Variants in TENM4 observed in about 807,000 individuals in gnomAD.
TENM4 encodes teneurin transmembrane protein 4.
Under a neutral mutation model 243.3 loss-of-function variants are expected in TENM4, and 82 were observed. The observed-to-expected ratio is 0.34, with a 90% CI of 0.28 to 0.40. The LOEUF (loss-of-function observed/expected upper bound fraction) is 0.40. Ranked by LOEUF, TENM4 falls within the 10% of genes least tolerant of loss-of-function variation. The probability of loss-of-function intolerance (pLI) is 1.00; values close to 1 mark genes in which losing one functional copy is unlikely to be tolerated. For synonymous variants in TENM4, 1,412 were observed against 1,456.3 expected (o/e 0.97, Z 0.69); for missense variants, 3,138 against 3,673.3 (o/e 0.85, Z 3.77).
At chr11:79,186,877 C>G (rs1863390022) in intron 3 of TENM4, among the ~76,000 whole-genome samples, 1 of 152,204 alleles carries the variant, frequency 6.6e-6, no homozygotes, top group South Asian at 2.1e-4. Flanking sequence ...TTTACTGCAT[C>G]TGAAACAGCC....
intron 4 of TENM4, among the ~76,000 whole-genome samples, chr11:79,122,182 G>A (rs1861758194): frequency 6.6e-6 from 1 of 152,162 alleles, no homozygotes; most frequent in Non-Finnish European, 1.5e-5. Flanking sequence ...ATTTGACCAG[G>A]TGATTGCTAG....
intron 6 of TENM4, among the ~76,000 whole-genome samples, chr11:78,989,196 C>G (rs1354712592): frequency 6.6e-6 from 1 of 152,222 alleles, no homozygotes; most frequent in Non-Finnish European, 1.5e-5. Flanking sequence ...ATCAACTCTC[C>G]TCCTTACACG....
At chr11:78,909,606 G>A (rs141242603) in intron 6 of TENM4, among the ~76,000 whole-genome samples, 1 of 152,322 alleles carries the variant, frequency 6.6e-6, no homozygotes, top group Non-Finnish European at 1.5e-5. Flanking sequence ...ATTCTTATCG[G>A]CATACGCCAC....
intron 1 of TENM4, among the ~76,000 whole-genome samples, chr11:79,424,124 C>T (rs1228115780): frequency 6.6e-6 from 1 of 152,204 alleles, no homozygotes; most frequent in East Asian, 1.9e-4. Context: ...CAGTGGCTTC[C>T]AACCAGGGAC....
chr11:78,669,656 T>C lies in TENM4; in HGVS notation c.6689A>G (p.Asn2230Ser), dbSNP rs372549247. 6.8e-6 allele frequency: 11 copies of C among 1,613,894 alleles called. No homozygotes were observed. The highest frequency in any genetic ancestry group is 9.3e-6 in the Non-Finnish European group (11 of 1,179,904). Residue 2230 changes from asparagine to serine, a missense_variant, in exon 32 of 34, where the codon AAC becomes AGC. This residue lies in a region of TENM4 where 2,467 missense variants were observed against 3,059.1 expected (regional missense o/e 0.81). Coordinates refer to ENST00000278550, the MANE Select transcript of TENM4 (RefSeq NM_001098816.3). The surrounding 1 kb of genome is among the most constrained non-coding windows in gnomAD (Gnocchi z 6.4). ...CCGTAGTGGTGTGAGCCGTGCACTGTTCCCAGGGCTCAGTAAGTGCAGGTT... is the reference window on the plus strand; with the variant it reads ...CCGTAGTGGTGTGAGCCGTGCACTGCTCCCAGGGCTCAGTAAGTGCAGGTT... ...NGNLHLLSPG[N>S]SARLTPLRYD...
intron 6 of TENM4, among the ~76,000 whole-genome samples, chr11:79,024,436 T>C (rs1033871988): frequency 1.3e-5 from 2 of 152,212 alleles, no homozygotes; most frequent in African/African-American, 2.4e-5. Context: ...GAAGGACTTA[T>C]GATATTCTAA....
chr11:79,398,737 T>TAAAA (rs5792854), intron 1 of TENM4, among the ~76,000 whole-genome samples: 1 of 102,768 alleles, frequency 9.7e-6, no homozygotes, highest in Non-Finnish European at 1.9e-5. Context: ...TCAGATGCTT[T>TAAAA]AAAAAAAAAA....
chr11:79,408,087 A>G (rs1383682721), intron 1 of TENM4, among the ~76,000 whole-genome samples: 1 of 151,946 alleles, frequency 6.6e-6, no homozygotes, highest in East Asian at 1.9e-4. Flanking sequence ...TATTTTTAGT[A>G]CAGACATGGT....
In TENM4 at chr11:78,657,051, G is replaced by A. The variant is rs1040075690; in HGVS notation, c.*1007C>T. 26 of 398,522 alleles carry A rather than the reference G, an allele frequency of 6.5e-5. No individual in the cohort carries two copies. The highest frequency in any genetic ancestry group is 5.3e-4 in the Admixed American group (12 of 22,710). The allele number at this position is 398,522 out of a possible 1,614,324, so 24.7% of individuals were successfully genotyped here. On this transcript the variant is annotated 3_prime_UTR_variant, in exon 34 of 34. Transcript: ENST00000278550. ...AGTCATAGAGAGAGGGCTTTGCCTC[G>A]GAAGGCAGGCTGGTGCCCTCGCCAC... is the stretch of plus-strand genomic sequence containing the variant.
chr11:78,825,140 G>A (rs775047935), intron 12 of TENM4, among the ~76,000 whole-genome samples: 3 of 152,176 alleles, frequency 2.0e-5, no homozygotes, highest in Admixed American at 2.0e-4. Flanking sequence ...CCTTATTCTC[G>A]AGGAGCACTG....
intron 9 of TENM4, among the ~76,000 whole-genome samples, chr11:78,865,788 GAGA>G (rs564439767): frequency 2.5e-4 from 38 of 152,324 alleles, no homozygotes; most frequent in African/African-American, 8.4e-4. Context: ...TGTGGTACAG[GAGA>G]AGGTGTGTGG....
chr11:79,077,848 C>T (rs758125347), intron 4 of TENM4, among the ~76,000 whole-genome samples: 52 of 152,296 alleles, frequency 3.4e-4, no homozygotes, highest in Non-Finnish European at 6.6e-4. Context: ...AGCCTGCCCT[C>T]GGAGGACCTG....
rs1270152231 is a variant in TENM4, at chr11:79,215,678, C to A, written c.-163+130G>T. The A allele has an allele frequency of 3.6e-6, 3 of 828,808 alleles. No individual in the cohort carries two copies. The African/African-American group carries it at 5.6e-5, about 15-fold the overall frequency. The allele number at this position is 828,808 out of a possible 1,614,324, so 51.3% of individuals were successfully genotyped here. ...ACTCTGGCCAGAACTCCTCTACTTT[C>A]TATGCTGCCAAGTCGTAAAAGCCTC... On this transcript the variant is annotated intron_variant, in intron 3 of 33. Coordinates refer to ENST00000278550, the MANE Select transcript of TENM4 (RefSeq NM_001098816.3).
At chr11:79,186,242 G>T (rs1344389242) in intron 3 of TENM4, among the ~76,000 whole-genome samples, 1 of 152,118 alleles carries the variant, frequency 6.6e-6, no homozygotes, top group Non-Finnish European at 1.5e-5. Context: ...CAGGCTGGGA[G>T]TTATGGCTCA....
At chr11:79,147,594 T>C (rs550203365) in intron 4 of TENM4, among the ~76,000 whole-genome samples, 1 of 152,114 alleles carries the variant, frequency 6.6e-6, no homozygotes, top group Non-Finnish European at 1.5e-5. Context: ...TGAGAGTCTC[T>C]AGCACCTCCT....
intron 6 of TENM4, among the ~76,000 whole-genome samples, chr11:78,943,150 C>T (rs1024597151): frequency 3.3e-5 from 5 of 152,222 alleles, no homozygotes; most frequent in African/African-American, 7.2e-5. Context: ...TGAGACAAGA[C>T]GTGCTGAGTT....
At chr11:78,736,631 T>C (rs1855804171) in intron 20 of TENM4, among the ~76,000 whole-genome samples, 1 of 152,204 alleles carries the variant, frequency 6.6e-6, no homozygotes, top group African/African-American at 2.4e-5. Context: ...CTTATGGTTT[T>C]TCGTAAGGTA....
chr11:79,127,673 G>A (rs1861910492), intron 4 of TENM4, among the ~76,000 whole-genome samples: 1 of 152,154 alleles, frequency 6.6e-6, no homozygotes. Flanking sequence ...TGCTTCAGCA[G>A]GATATCACAC....
chr11:78,972,182 T>G (rs1030284087), intron 6 of TENM4, among the ~76,000 whole-genome samples: 6 of 152,190 alleles, frequency 3.9e-5, no homozygotes, highest in Non-Finnish European at 7.3e-5. Context: ...AAGTCAGCCA[T>G]GATGACAGTT....
Sources: allele counts gnomAD v4.1 joint callset (sites outside exome capture counted in the v4.1 genomes callset), GRCh38; gene constraint gnomAD v4.1.1; regional missense constraint gnomAD v4.1.1; non-coding constraint Gnocchi (gnomAD v3.1); transcripts MANE v1.5; gene names NCBI Gene and HGNC (gene_info 2026-07-23, HGNC 2026-07-21).